WAPL: variants seen among roughly 807,000 people sequenced by gnomAD.
WAPL encodes wings apart-like protein homolog.
A neutral mutation model predicts 121.0 loss-of-function variants in WAPL; 5 were observed. The observed-to-expected ratio is 0.04, with a 90% confidence interval of 0.02 to 0.09. The LOEUF (loss-of-function observed/expected upper bound fraction) is 0.09, where lower values mean the gene tolerates loss of function less well. Among genes scored for constraint, WAPL ranks in the 10% least tolerant of loss-of-function variants. WAPL has a pLI of 1.00. For synonymous variants in WAPL, 480 were observed against 481.5 expected, an observed-to-expected ratio of 1.00 and a Z score of 0.04; for missense variants, 999 against 1,410.8, an observed-to-expected ratio of 0.71 and a Z score of 4.68.
chr10:86,452,739 C>T (rs1452936892), intron 14 of WAPL, among the ~76,000 whole-genome samples: 1 of 151,350 alleles, frequency 6.6e-6, no homozygotes, highest in Non-Finnish European at 1.5e-5. Context: ...CTTTCTTTTG[C>T]ACAATAAGAA....
At chr10:86,456,573 T>C (rs759973593) in intron 12 of WAPL, among the ~76,000 whole-genome samples, 12 of 152,230 alleles carry the variant, frequency 7.9e-5, no homozygotes, top group Non-Finnish European at 1.5e-4. Context: ...TCATGCATTA[T>C]ATATCACACA....
At chr10:86,520,924 G>A (rs1189709562) in intron 1 of WAPL, among the ~76,000 whole-genome samples, 1 of 152,150 alleles carries the variant, frequency 6.6e-6, no homozygotes, top group Non-Finnish European at 1.5e-5. Flanking sequence ...CCTGGGGACA[G>A]CCGGGGCGCC....
intron 16 of WAPL, among the ~76,000 whole-genome samples, chr10:86,445,049 T>C (rs1589491318): frequency 6.6e-6 from 1 of 152,148 alleles, no homozygotes; most frequent in African/African-American, 2.4e-5. Context: ...TGCGGCTTGC[T>C]TCCTACTGAT....
intron 2 of WAPL, 67 bp downstream of exon 2, chr10:86,517,499 GAATTT>G: frequency 6.8e-7 from 1 of 1,479,666 alleles, no homozygotes. Flanking sequence ...ATATATTTTA[GAATTT>G]AAATCATTTA....
chr10:86,453,738 A>G lies in WAPL; in HGVS notation c.2751T>C (p.Asn917=). 1.9e-6 allele frequency: 3 copies of G among 1,614,202 alleles called. No homozygotes were observed. The highest frequency in any genetic ancestry group is 2.5e-6 in the Non-Finnish European group (3 of 1,180,040). ...CTGCTTTGCCTACATGGTTAGTTACATTCTGGTGAGGCAGAGGCTTACTGT... is the reference window on the plus strand; with the variant it reads ...CTGCTTTGCCTACATGGTTAGTTACGTTCTGGTGAGGCAGAGGCTTACTGT... ...LADSKPLPHQ[N]VTNHVGKAVE... Residue 917 remains asparagine, a synonymous_variant, in exon 13 of 19, where the codon AAT becomes AAC. Coordinates refer to ENST00000298767, the MANE Select transcript of WAPL (RefSeq NM_015045.5).
chr10:86,515,103 T>C (rs527291549), intron 2 of WAPL, among the ~76,000 whole-genome samples: 4 of 151,318 alleles, frequency 2.6e-5, no homozygotes, highest in Admixed American at 2.0e-4. Flanking sequence ...CTACTAAAAA[T>C]ACAAAAATTA....
chr10:86,454,833 C>T (rs1841094651), intron 12 of WAPL, among the ~76,000 whole-genome samples: 1 of 151,556 alleles, frequency 6.6e-6, no homozygotes, highest in Admixed American at 6.6e-5. Flanking sequence ...TGGGGAGCAC[C>T]TCTGCCCGGC....
intron 4 of WAPL, among the ~76,000 whole-genome samples, chr10:86,485,002 C>T (rs2132206817): frequency 6.6e-6 from 1 of 152,256 alleles, no homozygotes; most frequent in East Asian, 1.9e-4. Context: ...AACACACACA[C>T]AGGCACACAC....
At chr10:86,485,271 G>T (rs1004012775) in intron 4 of WAPL, among the ~76,000 whole-genome samples, 8 of 151,994 alleles carry the variant, frequency 5.3e-5, no homozygotes, top group African/African-American at 1.9e-4. Flanking sequence ...GGCAGGGCAC[G>T]GTAGCTCACA....
chr10:86,505,576 C>G (rs1000241768), intron 2 of WAPL, among the ~76,000 whole-genome samples: 1 of 151,824 alleles, frequency 6.6e-6, no homozygotes, highest in Admixed American at 6.6e-5. Flanking sequence ...CATGAGCCAC[C>G]GCGCCCGGTC....
chr10:86,459,337 T>C (rs571348856), intron 11 of WAPL, among the ~76,000 whole-genome samples: 1 of 152,352 alleles, frequency 6.6e-6, no homozygotes, highest in Non-Finnish European at 1.5e-5. Flanking sequence ...ACACACTGAA[T>C]GTCAGAATAG....
intron 2 of WAPL, among the ~76,000 whole-genome samples, chr10:86,503,134 G>T (rs1022049565): frequency 6.6e-6 from 1 of 151,898 alleles, no homozygotes; most frequent in African/African-American, 2.4e-5. Flanking sequence ...CTCCAACCTG[G>T]GCAAAAGAGC....
chr10:86,438,247 CATTT>C, intron 17 of WAPL, among the ~76,000 whole-genome samples: 1 of 135,912 alleles, frequency 7.4e-6, no homozygotes, highest in South Asian at 2.6e-4. Context: ...TTTGTGTACA[CATTT>C]ACTTTTTTTT....
intron 4 of WAPL, among the ~76,000 whole-genome samples, chr10:86,494,826 C>A (rs1008679250): frequency 6.6e-6 from 1 of 152,136 alleles, no homozygotes; most frequent in Admixed American, 6.5e-5. Context: ...TCAAGAAACT[C>A]CCATTTCTTG....
intron 15 of WAPL, among the ~76,000 whole-genome samples, chr10:86,448,978 T>G (rs553576710): frequency 5.9e-5 from 9 of 152,302 alleles, no homozygotes; most frequent in Non-Finnish European, 1.0e-4. Flanking sequence ...AACACAAAAC[T>G]ATTACAAATG....
At position 86,493,749 on chromosome 10, in the gene WAPL, C is replaced by T. The variant is rs553879204; in HGVS notation, c.1644+3452G>A. Reference sequence around the variant, plus strand: ...AGGCACATTGGCTCACGCCTGTAATCGCTGGACTTTGGGAGGCCAAAGCAG... The same window carrying T: ...AGGCACATTGGCTCACGCCTGTAATTGCTGGACTTTGGGAGGCCAAAGCAG... On this transcript the variant is annotated intron_variant, in intron 4 of 18. Coordinates refer to ENST00000298767, the MANE Select transcript of WAPL (RefSeq NM_015045.5). Among the ~76,000 whole-genome samples the T allele has an allele frequency of 3.3e-5, 5 of 151,808 alleles. No homozygotes were observed. The South Asian group carries it at 8.3e-4, about 25-fold the overall frequency.
chr10:86,449,478 AG>A (rs1396842156), intron 15 of WAPL, among the ~76,000 whole-genome samples: 1 of 152,274 alleles, frequency 6.6e-6, no homozygotes, highest in East Asian at 1.9e-4. Context: ...GAGAAGATAT[AG>A]GATGATACCC....
chr10:86,437,533 G>C lies in WAPL; in HGVS notation c.*10C>G, dbSNP rs772072198. 8 of 1,613,048 alleles carry C rather than the reference G, an allele frequency of 5.0e-6. No individual in the cohort carries two copies. The highest frequency in any genetic ancestry group is 6.8e-6 in the Non-Finnish European group (8 of 1,179,662). The stretch of plus-strand genomic sequence containing the variant: ...AGCATTACCGAGCACCTGAAGCAAA[G>C]GTAAAGCAGCTAGCAATGTTCCAAA... On this transcript the variant is annotated 3_prime_UTR_variant, in exon 19 of 19. Coordinates refer to ENST00000298767, the MANE Select transcript of WAPL (RefSeq NM_015045.5).
At chr10:86,512,678 G>A (rs1842488544) in intron 2 of WAPL, among the ~76,000 whole-genome samples, 1 of 152,162 alleles carries the variant, frequency 6.6e-6, no homozygotes, top group Non-Finnish European at 1.5e-5. Context: ...AGAAATTTCT[G>A]TTTTCAAAAT....
Sources: gnomAD v4.1 joint callset for allele counts (sites outside exome capture counted in the v4.1 genomes callset) on GRCh38, gnomAD v4.1.1 for gene constraint, MANE v1.5 for transcripts, NCBI Gene and HGNC (gene_info 2026-07-23, HGNC 2026-07-21) for gene names.